The following KCNIP4 variants were observed in gnomAD, a reference collection of about 807,000 sequenced individuals.
The protein encoded by KCNIP4 is potassium voltage-gated channel interacting protein 4.
KCNIP4 carries 12 observed loss-of-function variants against 34.0 expected under a neutral mutation model. The observed-to-expected ratio is 0.35, with a 90% CI of 0.23 to 0.57. The LOEUF is 0.57. Among genes scored for constraint, KCNIP4 ranks in the 20% least tolerant of loss-of-function variants. The pLI is 0.83. For synonymous variants in KCNIP4, 124 were observed against 102.2 expected (o/e 1.21, Z -1.29); for missense variants, 238 against 311.7 (o/e 0.76, Z 1.78).
intron 1 of KCNIP4, among the ~76,000 whole-genome samples, chr4:21,175,788 A>G (rs1269143844): frequency 6.6e-6 from 1 of 152,202 alleles, no homozygotes; most frequent in African/African-American, 2.4e-5. Flanking sequence ...TTTATGACTT[A>G]TAAATTGTTT....
At chr4:21,107,732 T>C (rs917267709) in intron 1 of KCNIP4, among the ~76,000 whole-genome samples, 1 of 151,622 alleles carries the variant, frequency 6.6e-6, no homozygotes, top group African/African-American at 2.4e-5. Flanking sequence ...TTGCAGTGGC[T>C]GGTACCAGTT....
chr4:20,763,860 G>A (rs561941095), intron 3 of KCNIP4, among the ~76,000 whole-genome samples: 1 of 152,210 alleles, frequency 6.6e-6, no homozygotes, highest in South Asian at 2.1e-4. Flanking sequence ...TCCCACTGAT[G>A]TTGTAACATG....
intron 1 of KCNIP4, among the ~76,000 whole-genome samples, chr4:21,546,499 G>A (rs1174440558): frequency 6.6e-6 from 1 of 152,068 alleles, no homozygotes; most frequent in African/African-American, 2.4e-5. Context: ...TGAACCGAAA[G>A]ATTGTATATT....
chr4:21,100,321 C>A (rs375575929), intron 1 of KCNIP4, among the ~76,000 whole-genome samples: 1 of 152,022 alleles, frequency 6.6e-6, no homozygotes, highest in Admixed American at 6.6e-5. Flanking sequence ...GAGGCCAAGC[C>A]GGGCAGATTA....
intron 1 of KCNIP4, among the ~76,000 whole-genome samples, chr4:21,289,189 A>G (rs1423897075): frequency 6.6e-6 from 1 of 152,182 alleles, no homozygotes; most frequent in Non-Finnish European, 1.5e-5. Context: ...TAATGGGTGT[A>G]TATATTTATT....
chr4:20,756,765 C>T (rs1454965847), intron 4 of KCNIP4, among the ~76,000 whole-genome samples: 1 of 152,050 alleles, frequency 6.6e-6, no homozygotes, highest in African/African-American at 2.4e-5. Context: ...TGGACTTCAT[C>T]ATTTCATTTC....
chr4:21,373,461 G>T (rs1720684926), intron 1 of KCNIP4, among the ~76,000 whole-genome samples: 1 of 147,432 alleles, frequency 6.8e-6, no homozygotes, highest in Admixed American at 6.6e-5. Context: ...TTGTGTTGTA[G>T]AAATCTAGTG....
chr4:21,011,653 G>A (rs746115323), intron 1 of KCNIP4, among the ~76,000 whole-genome samples: 5 of 152,094 alleles, frequency 3.3e-5, no homozygotes, highest in Non-Finnish European at 1.5e-5. Context: ...TATTTATAAT[G>A]AAAAGCTTAT....
chr4:21,225,976 C>G (rs1053829419), intron 1 of KCNIP4, among the ~76,000 whole-genome samples: 7 of 151,832 alleles, frequency 4.6e-5, no homozygotes, highest in African/African-American at 1.7e-4. Context: ...AAAGCCATCA[C>G]CTAATTATTA....
chr4:20,775,714 T>C (rs1417661178), intron 3 of KCNIP4, among the ~76,000 whole-genome samples: 3 of 152,008 alleles, frequency 2.0e-5, no homozygotes, highest in African/African-American at 7.2e-5. Flanking sequence ...TCAAAATAAA[T>C]AATTAAAAAG....
At chr4:21,196,570 T>G (rs1191755207) in intron 1 of KCNIP4, among the ~76,000 whole-genome samples, 32 of 152,328 alleles carry the variant, frequency 2.1e-4, no homozygotes, top group Non-Finnish European at 2.9e-5. Context: ...GTGTGCAACC[T>G]GTATAACACA....
intron 1 of KCNIP4, among the ~76,000 whole-genome samples, chr4:21,853,844 T>C (rs1724570858): frequency 6.6e-6 from 1 of 152,318 alleles, no homozygotes; most frequent in East Asian, 1.9e-4. Context: ...TTAACCTCCC[T>C]GGACCTCAGT....
intron 1 of KCNIP4, among the ~76,000 whole-genome samples, chr4:20,974,776 C>T (rs1735321003): frequency 6.6e-6 from 1 of 152,070 alleles, no homozygotes; most frequent in Non-Finnish European, 1.5e-5. Context: ...CCAATGTAGC[C>T]AAAATTATGT....
chr4:21,613,126 G>A (rs994880838), intron 1 of KCNIP4, among the ~76,000 whole-genome samples: 1 of 152,128 alleles, frequency 6.6e-6, no homozygotes, highest in Non-Finnish European at 1.5e-5. Context: ...CCATAATCCA[G>A]TGTATTCATT....
At chr4:21,151,406 A>ATTTTTTTTTTTTT (rs35983306) in intron 1 of KCNIP4, among the ~76,000 whole-genome samples, 1 of 51,276 alleles carries the variant, frequency 2.0e-5, no homozygotes, top group Non-Finnish European at 4.3e-5. Context: ...ACAAAAGACA[A>ATTTTTTTTTTTTT]TTTTTTTTTT....
chr4:20,994,025 C>T (rs1364852500), intron 1 of KCNIP4, among the ~76,000 whole-genome samples: 3 of 152,168 alleles, frequency 2.0e-5, no homozygotes, highest in Non-Finnish European at 2.9e-5. Context: ...CATCTACCTC[C>T]CTCTTTCTTT....
At chr4:21,049,810 A>G (rs555257056) in intron 1 of KCNIP4, among the ~76,000 whole-genome samples, 2 of 152,340 alleles carry the variant, frequency 1.3e-5, no homozygotes, top group African/African-American at 4.8e-5. Context: ...TTTGAAACAC[A>G]AGTCAAAGAG....
chr4:21,791,466 AG>A (rs1436193007), intron 1 of KCNIP4, among the ~76,000 whole-genome samples: 1 of 152,158 alleles, frequency 6.6e-6, no homozygotes, highest in Non-Finnish European at 1.5e-5. Context: ...AATTTGAAGA[AG>A]AAAAGGAGGA....
chr4:20,991,177 C>A (rs1157789703), intron 1 of KCNIP4, among the ~76,000 whole-genome samples: 2 of 152,158 alleles, frequency 1.3e-5, no homozygotes, highest in Non-Finnish European at 2.9e-5. Flanking sequence ...GTGTCAAAGT[C>A]ATCATTTTTG....
Sources: allele counts gnomAD v4.1 joint callset (sites outside exome capture counted in the v4.1 genomes callset), GRCh38; gene constraint gnomAD v4.1.1; transcripts MANE v1.5; gene names NCBI Gene and HGNC (gene_info 2026-07-23, HGNC 2026-07-21).